The following GNA12 variants were observed in gnomAD, a reference collection of about 807,000 sequenced individuals.
GNA12 encodes the protein G protein subunit alpha 12.
In GNA12, 9 loss-of-function variants were observed where a neutral mutation model predicts 26.0. The ratio of observed to expected loss-of-function variants is 0.35; its 90% confidence interval spans 0.21 to 0.60. The LOEUF is 0.60. GNA12 is among the 20% of genes least tolerant of loss of function. GNA12 has a pLI of 0.78. For synonymous variants in GNA12, 264 were observed against 219.6 expected, an observed-to-expected ratio of 1.20 and a Z score of -1.79; for missense variants, 405 against 525.8, an observed-to-expected ratio of 0.77 and a Z score of 2.25.
intron 3 of GNA12, 92 bp downstream of exon 3, chr7:2,733,359 A>C: frequency 9.8e-7 from 1 of 1,023,638 alleles, no homozygotes; most frequent in Non-Finnish European, 1.5e-6. Flanking sequence ...CTGTCAGTCC[A>C]GCCAAAGTCC....
intron 1 of GNA12, among the ~76,000 whole-genome samples, chr7:2,805,367 C>G (rs928152595): frequency 3.3e-5 from 5 of 152,236 alleles, no homozygotes; most frequent in African/African-American, 1.2e-4. Context: ...CAAAATCACA[C>G]AGTTATCAAG....
intron 2 of GNA12, among the ~76,000 whole-genome samples, chr7:2,745,624 T>G (rs983672080): frequency 6.6e-6 from 1 of 152,254 alleles, no homozygotes; most frequent in South Asian, 2.1e-4. Flanking sequence ...ACGAGCAAAA[T>G]AGCCAGCTGA....
At chr7:2,801,961 T>C (rs996217615) in intron 1 of GNA12, among the ~76,000 whole-genome samples, 1 of 152,190 alleles carries the variant, frequency 6.6e-6, no homozygotes, top group South Asian at 2.1e-4. Context: ...ACCATTGTTA[T>C]ATAGAATTGC....
intron 1 of GNA12, among the ~76,000 whole-genome samples, chr7:2,804,486 C>A (rs1034167990): frequency 2.0e-5 from 3 of 152,204 alleles, no homozygotes; most frequent in African/African-American, 7.2e-5. Context: ...TGCTACAAGG[C>A]TGGCTTTCCT....
Position 2,754,835 on chromosome 7 carries a change from T to C in GNA12, c.526-21334A>G, listed in dbSNP as rs1026561268. On this transcript the variant is annotated intron_variant, in intron 2 of 3. Transcript: ENST00000275364. ...TCAAAATTTGATTTCAACGGATCAC[T>C]AGGGCGTCATGTCTAAGAATTCTTC... Among the ~76,000 whole-genome samples, 31 of 152,336 alleles carry C rather than the reference T, an allele frequency of 2.0e-4. No homozygotes were observed. The East Asian group carries it at 5.4e-3, about 27-fold the overall frequency.
chr7:2,803,955 G>A (rs933457437), intron 1 of GNA12, among the ~76,000 whole-genome samples: 7 of 152,160 alleles, frequency 4.6e-5, no homozygotes, highest in Non-Finnish European at 8.8e-5. Flanking sequence ...ACCCCCACCC[G>A]CCAGCCATGG....
intron 2 of GNA12, among the ~76,000 whole-genome samples, chr7:2,765,586 C>T (rs779926678): frequency 2.0e-5 from 3 of 151,420 alleles, no homozygotes; most frequent in African/African-American, 7.3e-5. Flanking sequence ...ACCAGCAAGA[C>T]GAGGTAGGGA....
intron 2 of GNA12, among the ~76,000 whole-genome samples, chr7:2,778,615 A>AGG (rs1419934082): frequency 1.3e-5 from 2 of 152,322 alleles, no homozygotes; most frequent in Non-Finnish European, 2.9e-5. Context: ...TTCCTCCTAT[A>AGG]GCTCATAGCC....
At chr7:2,828,397 G>A (rs1167477901) in intron 1 of GNA12, among the ~76,000 whole-genome samples, 5 of 152,120 alleles carry the variant, frequency 3.3e-5, no homozygotes, top group East Asian at 3.8e-4. Context: ...TCAACAGCCC[G>A]GGCTGGAGTG....
At chr7:2,758,029 A>G (rs527460687) in intron 2 of GNA12, among the ~76,000 whole-genome samples, 8 of 152,336 alleles carry the variant, frequency 5.3e-5, no homozygotes, top group African/African-American at 1.9e-4. Flanking sequence ...AAATGTCTGG[A>G]AAACCTCTTG....
At chr7:2,841,316 G>C (rs1778982613) in intron 1 of GNA12, among the ~76,000 whole-genome samples, 1 of 152,206 alleles carries the variant, frequency 6.6e-6, no homozygotes, top group Admixed American at 6.5e-5. Flanking sequence ...TTAGATTTCA[G>C]ATTCTATGTT....
At chr7:2,742,294 G>T (rs1790546652) in intron 2 of GNA12, among the ~76,000 whole-genome samples, 1 of 152,124 alleles carries the variant, frequency 6.6e-6, no homozygotes, top group Non-Finnish European at 1.5e-5. Flanking sequence ...GGGATTACAG[G>T]TGTGAGCCAC....
At chr7:2,833,676 G>A (rs940816725) in intron 1 of GNA12, among the ~76,000 whole-genome samples, 16 of 152,054 alleles carry the variant, frequency 1.1e-4, no homozygotes, top group African/African-American at 1.4e-4. Context: ...GACCAACCCC[G>A]TATGTCAAAG....
intron 1 of GNA12, among the ~76,000 whole-genome samples, chr7:2,819,490 T>TA (rs1336423939): frequency 6.6e-6 from 1 of 152,176 alleles, no homozygotes; most frequent in African/African-American, 2.4e-5. Context: ...TGTGGAGGTG[T>TA]ATGTGACTCA....
intron 2 of GNA12, among the ~76,000 whole-genome samples, chr7:2,746,099 TAGAC>T (rs1264479468): frequency 6.6e-6 from 1 of 152,082 alleles, no homozygotes; most frequent in Non-Finnish European, 1.5e-5. Context: ...CTGTCAACAT[TAGAC>T]AGATCAACGA....
chr7:2,783,000 G>A (rs1006241188), intron 2 of GNA12, among the ~76,000 whole-genome samples: 4 of 152,108 alleles, frequency 2.6e-5, no homozygotes, highest in African/African-American at 9.7e-5. Flanking sequence ...ACTTTAAATA[G>A]TGTCCAGTTT....
chr7:2,833,790 C>T (rs956583841), intron 1 of GNA12, among the ~76,000 whole-genome samples: 1 of 152,098 alleles, frequency 6.6e-6, no homozygotes, highest in African/African-American at 2.4e-5. Context: ...CCACGCAAAC[C>T]CGCCGCAGCA....
At chr7:2,835,593 T>C (rs2114977903) in intron 1 of GNA12, 2 of 600,478 alleles carry the variant, frequency 3.3e-6, no homozygotes, top group South Asian at 1.9e-5. Flanking sequence ...CAAAGTCCCA[T>C]TGTCTCATGC....
At chr7:2,769,173 G>C (rs1245722503) in intron 2 of GNA12, among the ~76,000 whole-genome samples, 1 of 152,088 alleles carries the variant, frequency 6.6e-6, no homozygotes, top group Admixed American at 6.6e-5. Flanking sequence ...CAAAGTGCTG[G>C]GATTACAGGC....
Sources: allele counts gnomAD v4.1 joint callset (sites outside exome capture counted in the v4.1 genomes callset), GRCh38; gene constraint gnomAD v4.1.1; transcripts MANE v1.5; gene names NCBI Gene and HGNC (gene_info 2026-07-23, HGNC 2026-07-21).